TTC12: variants seen among roughly 807,000 people sequenced by gnomAD.
TTC12 encodes tetratricopeptide repeat protein 12.
Under a neutral mutation model 90.1 loss-of-function variants are expected in TTC12, and 70 were observed. That is an observed-to-expected ratio of 0.78 (90% CI 0.64 to 0.95). The LOEUF is 0.95. Among genes scored for constraint, TTC12 ranks in the 40% least tolerant of loss-of-function variants. The pLI is 0.00. For missense variants in TTC12, 819 were observed against 846.1 expected (o/e 0.97, Z 0.40); for synonymous variants, 296 against 311.5 (o/e 0.95, Z 0.53).
In TTC12 at chr11:113,352,133, C is replaced by G. The variant is rs1949331995; in HGVS notation, c.1372C>G (p.Leu458Val). Residue 458 changes from leucine to valine, a missense_variant, in exon 16 of 22, where the codon CTC becomes GTC. Physicochemically the swap from Leu to Val is conservative, Grantham distance 32 (BLOSUM62 1). Transcript: ENST00000529221. ...CCAGTGCATTGCCATCATGGGAAACCTCAGTGCTGAGCCCACTACCCGAAG... is the reference window on the plus strand; with the variant it reads ...CCAGTGCATTGCCATCATGGGAAACGTCAGTGCTGAGCCCACTACCCGAAG... ...LCQCIAIMGN[L>V]SAEPTTRRHM... is the part of the protein sequence containing the mutation. 6.2e-7 allele frequency: 1 copy of G among 1,614,258 alleles called. No individual in the cohort carries two copies. Among genetic ancestry groups the G allele is most frequent in the East Asian group, 2.2e-5 (1 of 44,882 alleles).
chr11:113,318,878 A>T (rs1338169846), intron 2 of TTC12, among the ~76,000 whole-genome samples: 1 of 152,184 alleles, frequency 6.6e-6, no homozygotes, highest in Non-Finnish European at 1.5e-5. Context: ...GGGCCAGATT[A>T]GGAAAGACCT....
Position 113,339,479 on chromosome 11 carries a change from G to T in TTC12, c.826+5G>T, listed in dbSNP as rs565749493. The stretch of plus-strand genomic sequence containing the variant: ...TGACTGAAATGATAAATGAGTGTAA[G>T]CCAGAGATGTGTGTGATCTCATGAG... On this transcript the variant is annotated splice_donor_5th_base_variant and intron_variant, in intron 10 of 21. Transcript: ENST00000529221. 1.2e-6 allele frequency: 2 copies of T among 1,607,976 alleles called. No homozygotes were observed. Among genetic ancestry groups the T allele is most frequent in the African/African-American group, 2.7e-5 (2 of 74,398 alleles).
At chr11:113,321,659 T>A (rs1194371662) in intron 2 of TTC12, among the ~76,000 whole-genome samples, 1 of 152,274 alleles carries the variant, frequency 6.6e-6, no homozygotes, top group African/African-American at 2.4e-5. Flanking sequence ...CCTATTTCTC[T>A]GCCACTTGAA....
downstream of TTC12, chr11:113,368,496 G>T (rs762316953): frequency 4.1e-5 from 64 of 1,550,282 alleles, no homozygotes; most frequent in Non-Finnish European, 5.3e-5. Context: ...ACAAGCAGAG[G>T]AGCTGGGATT....
chr11:113,366,040 C>T (rs530677124), intron 21 of TTC12, among the ~76,000 whole-genome samples, 185 bp from the exon 22 acceptor site: 1 of 152,298 alleles, frequency 6.6e-6, no homozygotes, highest in East Asian at 1.9e-4. Context: ...GTGGGCCTCC[C>T]TGAGGGTCTT....
In TTC12 at chr11:113,365,058, C is replaced by A. The variant is rs1302394007; in HGVS notation, c.2040C>A (p.Pro680=). The A allele has an allele frequency of 1.2e-6, 2 of 1,613,296 alleles. No individual in the cohort carries two copies. The highest frequency in any genetic ancestry group is 2.2e-5 in the South Asian group (2 of 91,028). Residue 680 remains proline, a splice_region_variant and synonymous_variant, in exon 21 of 22, where the codon CCC becomes CCA. Coordinates refer to ENST00000529221, the MANE Select transcript of TTC12 (RefSeq NM_017868.4). ...TGGGGAAGCTGTGCACAGCTGAGCC[C>A]AGGTATGCTGTGGACACGGAGCCAG... is the stretch of plus-strand genomic sequence containing the variant. The part of the protein sequence containing the change: ...IALGKLCTAE[P]RFAAQLRKLH...
At position 113,340,729 on chromosome 11, in the gene TTC12, A is replaced by G; in HGVS notation, c.892A>G (p.Arg298Gly). The G allele has an allele frequency of 6.2e-7, 1 of 1,613,420 alleles. No homozygotes were observed. Among genetic ancestry groups the G allele is most frequent in the Non-Finnish European group, 8.5e-7 (1 of 1,179,334 alleles). The change falls in exon 11 of 22, where the codon AGA becomes GGA. Residue 298 changes from arginine (R) to glycine (G), a missense_variant. By Grantham distance (125) the Arg-to-Gly change is moderately radical (BLOSUM62 -2). Transcript: ENST00000529221. Reference sequence around the variant, plus strand: ...TATCATCAGTGACAACGAGGTCATAAGAAGGTAGGGATGTTCATAGAGACA... The same window carrying G: ...TATCATCAGTGACAACGAGGTCATAGGAAGGTAGGGATGTTCATAGAGACA... ...FSIISDNEVIRRCFSTAGNDA... is the reference protein window; with the variant it reads ...FSIISDNEVIGRCFSTAGNDA...
intron 7 of TTC12, among the ~76,000 whole-genome samples, chr11:113,330,706 A>T (rs1948008457): frequency 6.6e-6 from 1 of 152,240 alleles, no homozygotes; most frequent in African/African-American, 2.4e-5. Context: ...CTATGCTGCT[A>T]ACAGCAGAGG....
intron 4 of TTC12, chr11:113,324,238 A>T: frequency 1.8e-6 from 1 of 555,016 alleles, no homozygotes; most frequent in East Asian, 3.0e-5. Context: ...CAATTCAGTT[A>T]TTCTGTATCA....
intron 11 of TTC12, 36 bp from the exon 12 acceptor site, chr11:113,341,801 C>G (rs1948701007): frequency 5.3e-6 from 8 of 1,517,768 alleles, no homozygotes; most frequent in Non-Finnish European, 7.3e-6. Context: ...GACTGATTTT[C>G]AGACTTTTAA....
chr11:113,373,140 G>C (rs1437706264), exon 22 of TTC12: 1 of 963,822 alleles, frequency 1.0e-6, no homozygotes, highest in Non-Finnish European at 1.2e-6. Context: ...AAACTGAGGT[G>C]CAAAGCAGTT....
intron 5 of TTC12, 90 bp from the exon 6 acceptor site, chr11:113,325,434 C>T (rs1201661240): frequency 4.2e-5 from 63 of 1,509,346 alleles, no homozygotes; most frequent in Non-Finnish European, 4.9e-5. Flanking sequence ...TGAAGACCTT[C>T]GAAATAGAAT....
chr11:113,325,724 T>C, intron 6 of TTC12, 79 bp downstream of exon 6: 1 of 1,567,612 alleles, frequency 6.4e-7, no homozygotes, highest in South Asian at 1.2e-5. Context: ...AAGATGAGGC[T>C]AGATGTTGGG....
chr11:113,340,567 C>G, intron 10 of TTC12, 97 bp from the exon 11 acceptor site: 1 of 855,326 alleles, frequency 1.2e-6, no homozygotes, highest in Non-Finnish European at 2.0e-6. Flanking sequence ...CCGTGGCATT[C>G]CATATTAGGT....
chr11:113,340,290 C>T (rs1948611042), intron 10 of TTC12, among the ~76,000 whole-genome samples: 1 of 152,212 alleles, frequency 6.6e-6, no homozygotes, highest in African/African-American at 2.4e-5. Context: ...CTCTCTGGAG[C>T]TTGGAAATAG....
intron 21 of TTC12, among the ~76,000 whole-genome samples, chr11:113,372,943 T>TA (rs1251888339): frequency 6.6e-6 from 1 of 152,186 alleles, no homozygotes; most frequent in East Asian, 1.9e-4. Context: ...AATGGGTGTC[T>TA]GCAGGCATTC....
chr11:113,324,011 C>G lies in TTC12; in HGVS notation c.240C>G (p.Asn80Lys), dbSNP rs568578104. Residue 80 changes from asparagine (N) to lysine (K), a missense_variant, in exon 4 of 22, where the codon AAC (asparagine) becomes AAG (lysine). Transcript: ENST00000529221. ...GTCTACAGAGTGCAGAAGAAATAAACTCAGGTAAGGACAGCATCTCTCTTC... is the reference window on the plus strand; with the variant it reads ...GTCTACAGAGTGCAGAAGAAATAAAGTCAGGTAAGGACAGCATCTCTCTTC... Reference protein sequence around the residue: ...QTAMKSAEEINSEAFLASVEK... With the variant: ...QTAMKSAEEIKSEAFLASVEK... The G allele has an allele frequency of 6.2e-7, 1 of 1,610,048 alleles. No individual in the cohort carries two copies. Among genetic ancestry groups the G allele is most frequent in the South Asian group, 1.1e-5 (1 of 90,830 alleles).
intron 8 of TTC12, 26 bp from the exon 9 acceptor site, chr11:113,338,748 T>C (rs1555144868): frequency 6.2e-7 from 1 of 1,600,324 alleles, no homozygotes. Flanking sequence ...CCAACCACTC[T>C]TCAAGGTCTT....
rs181129808 is a variant in TTC12, at chr11:113,356,753, C to G, written c.1447-2610C>G. Among the ~76,000 whole-genome samples, 13 of 152,280 alleles carry G rather than the reference C, an allele frequency of 8.5e-5. No homozygotes were observed. In the East Asian group the frequency reaches 2.5e-3, roughly 29 times the overall value. On this transcript the variant is annotated intron_variant, in intron 16 of 21. Coordinates refer to ENST00000529221, the MANE Select transcript of TTC12 (RefSeq NM_017868.4). ...TTCTATAATGATGTTGAATATTGGC[C>G]TCCAGTCTCTTCTGGGTTGTAGAGT... is the stretch of plus-strand genomic sequence containing the variant.
Sources: gnomAD v4.1 joint callset for allele counts (sites outside exome capture counted in the v4.1 genomes callset) on GRCh38, gnomAD v4.1.1 for gene constraint, MANE v1.5 for transcripts, NCBI Gene and HGNC (gene_info 2026-07-23, HGNC 2026-07-21) for gene names.